IGFBP7: variants seen among roughly 807,000 people sequenced by gnomAD.
The protein encoded by IGFBP7 is insulin-like growth factor-binding protein 7.
Under a neutral mutation model 29.4 loss-of-function variants are expected in IGFBP7, and 31 were observed. That is an observed-to-expected ratio of 1.05 (90% CI 0.79 to 1.42). IGFBP7 has a LOEUF of 1.42. IGFBP7 is among the 40% of genes most tolerant of loss of function. The pLI, the probability that IGFBP7 is intolerant of heterozygous loss-of-function variation, is 0.00. For missense variants in IGFBP7, 393 were observed against 395.5 expected (o/e 0.99, Z 0.05); for synonymous variants, 172 against 174.9 (o/e 0.98, Z 0.13).
chr4:57,072,919 C>T, intron 1 of IGFBP7: 1 of 730,506 alleles, frequency 1.4e-6, no homozygotes, highest in East Asian at 2.9e-5. Context: ...ACATGGACAC[C>T]CAGGGTAATA....
chr4:57,071,671 G>A (rs1479672719), intron 1 of IGFBP7, among the ~76,000 whole-genome samples: 4 of 152,196 alleles, frequency 2.6e-5, no homozygotes, highest in Non-Finnish European at 5.9e-5. Context: ...TAGGTCTAAG[G>A]GAGCCACATC....
intron 1 of IGFBP7, among the ~76,000 whole-genome samples, chr4:57,056,875 G>C (rs1007865924): frequency 6.6e-6 from 1 of 152,186 alleles, no homozygotes; most frequent in Non-Finnish European, 1.5e-5. Context: ...GCTAATTTTA[G>C]GCAGTGATTA....
At chr4:57,080,198 T>G (rs1725331713) in intron 1 of IGFBP7, among the ~76,000 whole-genome samples, 1 of 152,234 alleles carries the variant, frequency 6.6e-6, no homozygotes, top group Non-Finnish European at 1.5e-5. Context: ...GTGAATGAGA[T>G]TTCTGAAGAC....
At chr4:57,083,152 T>G (rs990129286) in intron 1 of IGFBP7, among the ~76,000 whole-genome samples, 11 of 152,234 alleles carry the variant, frequency 7.2e-5, no homozygotes, top group Non-Finnish European at 1.3e-4. Context: ...CTTTTGTTTC[T>G]GTAGGAGAGG....
chr4:57,051,946 G>A (rs1724514406), intron 1 of IGFBP7, among the ~76,000 whole-genome samples: 1 of 152,174 alleles, frequency 6.6e-6, no homozygotes, highest in Non-Finnish European at 1.5e-5. Flanking sequence ...GGAAAACGCT[G>A]GCCTGCCTTG....
At chr4:57,035,462 CT>C (rs567003303) in intron 2 of IGFBP7, among the ~76,000 whole-genome samples, 2 of 148,608 alleles carry the variant, frequency 1.3e-5, no homozygotes, top group Admixed American at 6.7e-5. Flanking sequence ...TATGTGTTTT[CT>C]TTTTTTTTTG....
At chr4:57,037,451 A>C (rs530617770) in intron 2 of IGFBP7, among the ~76,000 whole-genome samples, 91 of 150,560 alleles carry the variant, frequency 6.0e-4, no homozygotes, top group African/African-American at 2.2e-3. Flanking sequence ...ATCATAGCTC[A>C]CTGCAGCCCC....
chr4:57,083,192 G>A (rs1023003515), intron 1 of IGFBP7, among the ~76,000 whole-genome samples: 1 of 152,046 alleles, frequency 6.6e-6, no homozygotes, highest in African/African-American at 2.4e-5. Context: ...TGGGTCAAAG[G>A]GTATGAGAAT....
At chr4:57,039,065 C>CAAAAAAAAAAAA (rs71208974) in intron 2 of IGFBP7, among the ~76,000 whole-genome samples, 10 of 106,458 alleles carry the variant, frequency 9.4e-5, no homozygotes, top group East Asian at 7.4e-4. Flanking sequence ...AACTATGTCT[C>CAAAAAAAAAAAA]AAAAAAAAAA....
chr4:57,090,844 C>A (rs575179927), intron 1 of IGFBP7, among the ~76,000 whole-genome samples: 1 of 152,216 alleles, frequency 6.6e-6, no homozygotes, highest in South Asian at 2.1e-4. Context: ...CAGCAAGACT[C>A]CATCTCAAAA....
chr4:57,058,567 C>G (rs1180325737), intron 1 of IGFBP7, among the ~76,000 whole-genome samples: 1 of 152,094 alleles, frequency 6.6e-6, no homozygotes, highest in Non-Finnish European at 1.5e-5. Flanking sequence ...GAGGCTGAAC[C>G]CCTTCCTTAC....
At chr4:57,096,045 C>A (rs999038292) in intron 1 of IGFBP7, among the ~76,000 whole-genome samples, 6 of 151,842 alleles carry the variant, frequency 4.0e-5, no homozygotes, top group Admixed American at 3.3e-4. Context: ...GCTAATGGAG[C>A]GTATGTTCTA....
intron 1 of IGFBP7, among the ~76,000 whole-genome samples, chr4:57,074,430 G>A (rs1191664250): frequency 1.3e-5 from 2 of 152,188 alleles, no homozygotes; most frequent in African/African-American, 2.4e-5. Flanking sequence ...CTCTGAAGGT[G>A]TTAAAAAGTT....
intron 1 of IGFBP7, chr4:57,072,562 G>T: frequency 4.2e-6 from 1 of 240,412 alleles, no homozygotes; most frequent in Non-Finnish European, 8.2e-6. Flanking sequence ...TTGCAGTTGT[G>T]TTCTTTAAGT....
At chr4:57,064,013 T>C (rs1002851564) in intron 1 of IGFBP7, among the ~76,000 whole-genome samples, 1 of 152,218 alleles carries the variant, frequency 6.6e-6, no homozygotes, top group Non-Finnish European at 1.5e-5. Flanking sequence ...GATTTTTTAG[T>C]GGGAGAAGCC....
chr4:57,051,420 A>G (rs1185238558), intron 1 of IGFBP7, among the ~76,000 whole-genome samples: 1 of 152,230 alleles, frequency 6.6e-6, no homozygotes. Flanking sequence ...ATTTAATCTC[A>G]GGCTTTTAGT....
intron 1 of IGFBP7, among the ~76,000 whole-genome samples, chr4:57,041,497 G>C (rs373949012): frequency 6.6e-6 from 1 of 152,112 alleles, no homozygotes; most frequent in Non-Finnish European, 1.5e-5. Flanking sequence ...TGCTGTGTGC[G>C]TCAGGGGATT....
chr4:57,075,613 T>C (rs1725203030), intron 1 of IGFBP7, among the ~76,000 whole-genome samples: 1 of 150,088 alleles, frequency 6.7e-6, no homozygotes, highest in Non-Finnish European at 1.5e-5. Flanking sequence ...CATAAAACCA[T>C]AAAAAGCACA....
intron 1 of IGFBP7, among the ~76,000 whole-genome samples, chr4:57,062,572 T>C (rs1724824291): frequency 6.6e-6 from 1 of 152,170 alleles, no homozygotes; most frequent in Non-Finnish European, 1.5e-5. Flanking sequence ...CGTGGCCAAA[T>C]GGCTGAAGTC....
Sources: gnomAD v4.1 joint callset for allele counts (sites outside exome capture counted in the v4.1 genomes callset) on GRCh38, gnomAD v4.1.1 for gene constraint, MANE v1.5 for transcripts, NCBI Gene and HGNC (gene_info 2026-07-23, HGNC 2026-07-21) for gene names.